The following EPHA3 variants were observed in gnomAD, a reference collection of about 807,000 sequenced individuals.
The protein encoded by EPHA3 is ephrin type-A receptor 3.
Under a neutral mutation model 107.1 loss-of-function variants are expected in EPHA3, and 42 were observed. The ratio of observed to expected loss-of-function variants is 0.39; its 90% CI spans 0.31 to 0.51. The LOEUF is 0.51. Ranked by LOEUF, EPHA3 falls within the 20% of genes least tolerant of loss-of-function variation. The probability of loss-of-function intolerance (pLI) is 0.78; values close to 1 mark genes in which losing one functional copy is unlikely to be tolerated. For missense variants in EPHA3, 1,183 were observed against 1,211.2 expected (o/e 0.98, Z 0.35); for synonymous variants, 461 against 424.8 (o/e 1.09, Z -1.05).
chr3:89,352,829 G>A (rs1297672573), intron 5 of EPHA3, among the ~76,000 whole-genome samples: 3 of 148,254 alleles, frequency 2.0e-5, no homozygotes, highest in Non-Finnish European at 4.5e-5. Context: ...CTTGAACCCA[G>A]GAGGCGGAGG....
intron 5 of EPHA3, among the ~76,000 whole-genome samples, chr3:89,367,982 C>A (rs955624467): frequency 6.6e-6 from 1 of 150,504 alleles, no homozygotes; most frequent in East Asian, 1.9e-4. Flanking sequence ...ACTCTAGGTT[C>A]CTTGAGGGCG....
chr3:89,321,722 C>A (rs1162812978), intron 3 of EPHA3, among the ~76,000 whole-genome samples: 1 of 151,904 alleles, frequency 6.6e-6, no homozygotes, highest in African/African-American at 2.4e-5. Context: ...AAATTGAATC[C>A]TAAAATATGA....
chr3:89,342,117 T>G, intron 5 of EPHA3, 27 bp downstream of exon 5: 1 of 1,570,854 alleles, frequency 6.4e-7, no homozygotes, highest in Admixed American at 1.8e-5. Context: ...TGCTTCTTAC[T>G]CTTATCATAT....
rs188124666 is a variant in EPHA3, at chr3:89,211,843, T to C, written c.814+1323T>C. On this transcript the variant is annotated intron_variant, in intron 3 of 16. Transcript: ENST00000336596. Reference sequence around the variant, plus strand: ...CTCCTTCTCCTCCTCCTCCTCTTTCTTTTGGCTAGGTAGGATAGGAAAAAA... The same window carrying C: ...CTCCTTCTCCTCCTCCTCCTCTTTCCTTTGGCTAGGTAGGATAGGAAAAAA... Among the ~76,000 whole-genome samples the C allele has an allele frequency of 7.3e-5, 11 of 150,478 alleles. No homozygotes were observed. In the East Asian group the frequency reaches 2.2e-3, roughly 30 times the overall value.
chr3:89,203,414 C>T (rs945229304), intron 2 of EPHA3, among the ~76,000 whole-genome samples: 5 of 151,564 alleles, frequency 3.3e-5, no homozygotes, highest in Non-Finnish European at 5.9e-5. Context: ...TCCAAAGGTG[C>T]GGTATCATTG....
intron 5 of EPHA3, among the ~76,000 whole-genome samples, chr3:89,370,688 T>C (rs1217241525): frequency 6.6e-6 from 1 of 151,112 alleles, no homozygotes; most frequent in Non-Finnish European, 1.5e-5. Flanking sequence ...AATACATTAG[T>C]TGTATATAGA....
At chr3:89,203,948 G>T (rs1248818039) in intron 2 of EPHA3, among the ~76,000 whole-genome samples, 1 of 152,138 alleles carries the variant, frequency 6.6e-6, no homozygotes, top group Middle Eastern at 3.4e-3. Context: ...GAGGTTGCTG[G>T]GTAAAGCGGA....
At chr3:89,203,234 T>TTTTTGG (rs1234222826) in intron 2 of EPHA3, among the ~76,000 whole-genome samples, 1 of 151,412 alleles carries the variant, frequency 6.6e-6, no homozygotes, top group Non-Finnish European at 1.5e-5. Context: ...CACCTAGGTT[T>TTTTTGG]TTTTGGTTTT....
rs796857390 is a variant in EPHA3, at chr3:89,219,703, G to GTTTTT, written c.814+9185_814+9189dup. On this transcript the variant is annotated intron_variant, in intron 3 of 16. Transcript: ENST00000336596. ...ATTTGGCAATGTTTTTTTTTTTTTT[G>GTTTTT]TTTTTTGTTTTTTTTTTTTTTTTGA... is the stretch of plus-strand genomic sequence containing the variant. 2.9e-3 allele frequency among the ~76,000 whole-genome samples: 77 copies of GTTTTT among 26,226 alleles called. 12 individuals are homozygous for GTTTTT. In the East Asian group the frequency reaches 0.057, roughly 20 times the overall value. 17.2% of individuals were successfully genotyped at this position (26,226 alleles called of 152,430 possible). A position where few individuals can be genotyped will look rare whatever the true frequency, so the allele number is the denominator to read the frequency against.
chr3:89,178,838 A>T (rs1302740312), intron 2 of EPHA3, among the ~76,000 whole-genome samples: 1 of 151,914 alleles, frequency 6.6e-6, no homozygotes, highest in Non-Finnish European at 1.5e-5. Flanking sequence ...TACTGCTTAT[A>T]ACTAGCATCT....
At chr3:89,253,336 A>T (rs6797260) in intron 3 of EPHA3, among the ~76,000 whole-genome samples, 41,877 of 151,994 alleles carry the variant, frequency 0.28, 7,263 homozygotes, top group East Asian at 0.45. Context: ...AAAAGAATGG[A>T]TTTATGAGAT....
Position 89,341,811 on chromosome 3 carries a change from C to T in EPHA3, c.1027C>T (p.Leu343=), listed in dbSNP as rs1456593375. The T allele has an allele frequency of 1.9e-6, 3 of 1,613,882 alleles. No homozygotes were observed. Among genetic ancestry groups the T allele is most frequent in the Admixed American group, 3.3e-5 (2 of 59,984 alleles). The part of the protein sequence containing the change: ...ISNINETSVI[L]DWSWPLDTGG... ...TAATATAAACGAGACCTCAGTTATCCTGGACTGGAGTTGGCCCCTGGACAC... is the reference window on the plus strand; with the variant it reads ...TAATATAAACGAGACCTCAGTTATCTTGGACTGGAGTTGGCCCCTGGACAC... Residue 343 remains leucine, a synonymous_variant, in exon 5 of 17, where the codon CTG becomes TTG. Coordinates refer to ENST00000336596, the MANE Select transcript of EPHA3 (RefSeq NM_005233.6).
chr3:89,458,628 C>G (rs540204268), intron 15 of EPHA3, among the ~76,000 whole-genome samples: 76 of 152,266 alleles, frequency 5.0e-4, no homozygotes, highest in South Asian at 2.9e-3. Context: ...CTAATTTACA[C>G]GCCCACCAAC....
chr3:89,419,074 A>T lies in EPHA3; in HGVS notation c.1889-131A>T, dbSNP rs1210801082. ...ATCTTTCAAAATAATTTGGAGTACT[A>T]GAGTGTACATCTTGCAGGTCAAAGG... On this transcript the variant is annotated intron_variant, in intron 10 of 16. Transcript: ENST00000336596. 7 of 860,000 alleles carry T rather than the reference A, an allele frequency of 8.1e-6. No individual in the cohort carries two copies. The African/African-American group carries it at 1.2e-4, about 15-fold the overall frequency. 53.3% of individuals were successfully genotyped at this position (860,000 alleles called of 1,614,324 possible).
chr3:89,306,620 T>C (rs1348013358), intron 3 of EPHA3, among the ~76,000 whole-genome samples: 1 of 152,184 alleles, frequency 6.6e-6, no homozygotes, highest in East Asian at 1.9e-4. Context: ...AAATTAATGA[T>C]AGAAATCTCA....
chr3:89,443,315 A>G (rs1369103154), intron 13 of EPHA3, among the ~76,000 whole-genome samples: 1 of 152,166 alleles, frequency 6.6e-6, no homozygotes, highest in Non-Finnish European at 1.5e-5. Context: ...ATCCTGTGAC[A>G]TATTTTTGTA....
intron 2 of EPHA3, among the ~76,000 whole-genome samples, chr3:89,145,420 T>C (rs2107026941): frequency 6.6e-6 from 1 of 151,866 alleles, no homozygotes; most frequent in East Asian, 1.9e-4. Flanking sequence ...TTTCCAGATA[T>C]GTATATACAC....
intron 1 of EPHA3, among the ~76,000 whole-genome samples, chr3:89,116,762 A>G (rs144243054): frequency 1.3e-5 from 2 of 151,012 alleles, no homozygotes; most frequent in African/African-American, 4.8e-5. Context: ...GGTTAACCAA[A>G]GAGTTAGCCA....
At chr3:89,222,349 A>G (rs112236133) in intron 3 of EPHA3, among the ~76,000 whole-genome samples, 29 of 131,638 alleles carry the variant, frequency 2.2e-4, no homozygotes, top group East Asian at 1.7e-3. Context: ...ATATATATAT[A>G]TATATGTATA....
Sources: allele counts gnomAD v4.1 joint callset (sites outside exome capture counted in the v4.1 genomes callset), GRCh38; gene constraint gnomAD v4.1.1; transcripts MANE v1.5; gene names NCBI Gene and HGNC (gene_info 2026-07-23, HGNC 2026-07-21).